Variants in PTPRD observed in about 807,000 individuals in gnomAD.
PTPRD encodes protein tyrosine phosphatase receptor type D.
Under a neutral mutation model 214.5 loss-of-function variants are expected in PTPRD, and 34 were observed. That is an observed-to-expected ratio of 0.16 (90% CI 0.12 to 0.21). The LOEUF is 0.21. Ranked by LOEUF, PTPRD falls within the 10% of genes least tolerant of loss-of-function variation. The probability of loss-of-function intolerance (pLI) is 1.00; values close to 1 mark genes in which losing one functional copy is unlikely to be tolerated. For missense variants in PTPRD, 2,545 were observed against 2,398.7 expected (o/e 1.06, Z -1.27); for synonymous variants, 1,128 against 845.7 (o/e 1.33, Z -5.79).
chr9:8,371,206 G>C (rs754793636), intron 39 of PTPRD, among the ~76,000 whole-genome samples: 2 of 151,854 alleles, frequency 1.3e-5, no homozygotes, highest in Non-Finnish European at 2.9e-5. Flanking sequence ...CTCTCATAAA[G>C]AAATACCCCA....
intron 9 of PTPRD, among the ~76,000 whole-genome samples, chr9:9,385,690 G>A (rs775737132): frequency 1.3e-5 from 2 of 152,124 alleles, no homozygotes; most frequent in Non-Finnish European, 2.9e-5. Flanking sequence ...AGTATGCTGG[G>A]TAAGGGAACA....
intron 7 of PTPRD, among the ~76,000 whole-genome samples, chr9:9,682,205 T>A (rs1426940382): frequency 6.6e-6 from 1 of 151,764 alleles, no homozygotes. Context: ...CTGCACTAGC[T>A]TGAAGCAACA....
At chr9:8,811,295 G>T (rs949842090) in intron 11 of PTPRD, among the ~76,000 whole-genome samples, 2 of 151,994 alleles carry the variant, frequency 1.3e-5, no homozygotes, top group African/African-American at 4.8e-5. Context: ...CCACCAAGAT[G>T]CTGGCATTTA....
intron 3 of PTPRD, among the ~76,000 whole-genome samples, chr9:10,118,632 T>G (rs373070175): frequency 2.6e-4 from 40 of 151,540 alleles, no homozygotes; most frequent in African/African-American, 8.7e-4. Flanking sequence ...AAGATGTTAG[T>G]TGGCTATGAG....
chr9:10,124,437 C>G (rs916256002), intron 3 of PTPRD, among the ~76,000 whole-genome samples: 3 of 151,996 alleles, frequency 2.0e-5, no homozygotes, highest in Non-Finnish European at 4.4e-5. Context: ...GCGTATTCAC[C>G]CCACATTTTT....
At chr9:9,197,909 C>G (rs918323060) in intron 9 of PTPRD, among the ~76,000 whole-genome samples, 2 of 152,222 alleles carry the variant, frequency 1.3e-5, no homozygotes, top group East Asian at 3.8e-4. Flanking sequence ...GCTCACCACT[C>G]TATCAGACAT....
intron 4 of PTPRD, among the ~76,000 whole-genome samples, chr9:9,948,108 T>C (rs560821602): frequency 3.3e-5 from 5 of 152,150 alleles, no homozygotes; most frequent in South Asian, 2.1e-4. Flanking sequence ...ATTTTTATTG[T>C]TGATTATAAA....
At chr9:10,013,110 T>C (rs1422391928) in intron 4 of PTPRD, among the ~76,000 whole-genome samples, 2 of 151,912 alleles carry the variant, frequency 1.3e-5, no homozygotes, top group Non-Finnish European at 2.9e-5. Context: ...CCAGTATTAT[T>C]TCTACCATGT....
At chr9:10,583,384 C>A (rs969975479) in intron 2 of PTPRD, among the ~76,000 whole-genome samples, 2 of 151,272 alleles carry the variant, frequency 1.3e-5, no homozygotes, top group African/African-American at 4.9e-5. Context: ...GGATATTGGG[C>A]TCTTGAGACT....
At chr9:9,761,369 T>A (rs1408925734) in intron 6 of PTPRD, among the ~76,000 whole-genome samples, 1 of 152,118 alleles carries the variant, frequency 6.6e-6, no homozygotes, top group African/African-American at 2.4e-5. Context: ...TGCCAGGAAG[T>A]ATTGTTTAGG....
At chr9:8,829,692 A>G (rs2097250498) in intron 11 of PTPRD, among the ~76,000 whole-genome samples, 1 of 152,166 alleles carries the variant, frequency 6.6e-6, no homozygotes, top group Admixed American at 6.6e-5. Flanking sequence ...GTACACATTA[A>G]TGCATCATCC....
chr9:10,319,821 A>G (rs2096521543), intron 3 of PTPRD, among the ~76,000 whole-genome samples: 1 of 152,064 alleles, frequency 6.6e-6, no homozygotes, highest in Non-Finnish European at 1.5e-5. Context: ...CTGTTACAAC[A>G]TAGGATGTCA....
chr9:8,492,777 T>C (rs573112435), intron 27 of PTPRD, 85 bp downstream of exon 27: 118 of 914,822 alleles, frequency 1.3e-4, no homozygotes, highest in Non-Finnish European at 1.9e-4. Flanking sequence ...GATTTTACTA[T>C]AATAAAAGCC....
intron 14 of PTPRD, among the ~76,000 whole-genome samples, chr9:8,598,356 G>C (rs113384301): frequency 6.6e-6 from 1 of 152,020 alleles, no homozygotes; most frequent in Non-Finnish European, 1.5e-5. Context: ...AGTTACTCGG[G>C]AGGCTGAGGC....
chr9:10,293,716 A>C (rs1760141456), intron 3 of PTPRD, among the ~76,000 whole-genome samples: 1 of 151,928 alleles, frequency 6.6e-6, no homozygotes, highest in African/African-American at 2.4e-5. Context: ...TTCACTGTTA[A>C]GTTATACTCC....
intron 9 of PTPRD, among the ~76,000 whole-genome samples, chr9:9,385,561 T>A (rs1053882066): frequency 1.3e-5 from 2 of 152,252 alleles, no homozygotes; most frequent in Middle Eastern, 6.8e-3. Flanking sequence ...AGTGAGCAAG[T>A]ATTTCATCCA....
At chr9:9,382,789 A>C (rs2140388672) in intron 9 of PTPRD, among the ~76,000 whole-genome samples, 1 of 152,236 alleles carries the variant, frequency 6.6e-6, no homozygotes, top group African/African-American at 2.4e-5. Flanking sequence ...ATGATTTGGT[A>C]ATCCTACTTC....
At chr9:9,884,054 TC>T (rs1412587001) in intron 5 of PTPRD, among the ~76,000 whole-genome samples, 2 of 152,094 alleles carry the variant, frequency 1.3e-5, no homozygotes, top group Non-Finnish European at 2.9e-5. Flanking sequence ...TAAGACTTAT[TC>T]CCAAATATTT....
chr9:10,509,208 T>C (rs1372974242), intron 2 of PTPRD, among the ~76,000 whole-genome samples: 1 of 152,064 alleles, frequency 6.6e-6, no homozygotes, highest in African/African-American at 2.4e-5. Context: ...ATATTAAAAA[T>C]CATTGCAGGA....
Sources: gnomAD v4.1 joint callset for allele counts (sites outside exome capture counted in the v4.1 genomes callset) on GRCh38, gnomAD v4.1.1 for gene constraint, MANE v1.5 for transcripts, NCBI Gene and HGNC (gene_info 2026-07-23, HGNC 2026-07-21) for gene names.